CDC27: variants seen among roughly 807,000 people sequenced by gnomAD.
CDC27 encodes cell division cycle protein 27 homolog.
CDC27 carries 27 observed loss-of-function variants against 109.7 expected under a neutral mutation model. The observed-to-expected ratio is 0.25, with a 90% CI of 0.18 to 0.34. The LOEUF (loss-of-function observed/expected upper bound fraction) is 0.34, where lower values mean the gene tolerates loss of function less well. Ranked by LOEUF, CDC27 falls within the 10% of genes least tolerant of loss-of-function variation. The probability of loss-of-function intolerance (pLI) is 1.00; values close to 1 mark genes in which losing one functional copy is unlikely to be tolerated. For missense variants in CDC27, 579 were observed against 960.2 expected (o/e 0.60, Z 5.25); for synonymous variants, 266 against 333.9 (o/e 0.80, Z 2.22).
At chr17:47,134,270 A>G (rs1382067508) in intron 14 of CDC27, among the ~76,000 whole-genome samples, 1 of 151,778 alleles carries the variant, frequency 6.6e-6, no homozygotes, top group Non-Finnish European at 1.5e-5. Context: ...CTATGATAAT[A>G]AGGAAAAAAG....
chr17:47,146,039 T>C (rs66518624), intron 9 of CDC27, among the ~76,000 whole-genome samples: 12,537 of 152,152 alleles, frequency 0.082, 596 homozygotes, highest in African/African-American at 0.12. Context: ...TTAAAAACCC[T>C]AATAAAAATT....
intron 16 of CDC27, among the ~76,000 whole-genome samples, chr17:47,124,658 T>TTAA (rs1017074613): frequency 6.6e-6 from 1 of 152,234 alleles, no homozygotes; most frequent in Non-Finnish European, 1.5e-5. Flanking sequence ...AAGAGTGGCA[T>TTAA]TAACATTTTT....
In CDC27 at chr17:47,158,261, C is replaced by T. The variant is rs1373482845; in HGVS notation, c.420G>A (p.Lys140=). The T allele has an allele frequency of 1.9e-6, 3 of 1,586,264 alleles. No individual in the cohort carries two copies. Among genetic ancestry groups the T allele is most frequent in the Non-Finnish European group, 2.6e-6 (3 of 1,166,986 alleles). ...RLAKGSECYQ[K]SLSLNPFLWS... ...AGAGGAAAGGATTTAAACTAAGGCT[C>T]TTTTGGTAACATTCTGATCCTTTGG... Residue 140 remains lysine, a synonymous_variant, in exon 5 of 19, where the codon AAG becomes AAA. Transcript: ENST00000066544.
intron 8 of CDC27, among the ~76,000 whole-genome samples, chr17:47,152,877 A>G (rs916918962): frequency 2.0e-5 from 3 of 152,054 alleles, no homozygotes; most frequent in South Asian, 4.2e-4. Flanking sequence ...TACTATTTTT[A>G]AATTAGGTTT....
At position 47,157,343 on chromosome 17, in the gene CDC27, A is replaced by G. The variant is rs142987740; in HGVS notation, c.517T>C (p.Leu173=). 1 of 1,613,770 alleles carries G rather than the reference A, an allele frequency of 6.2e-7. No individual in the cohort carries two copies. The highest frequency in any genetic ancestry group is 8.5e-7 in the Non-Finnish European group (1 of 1,179,800). The change falls in exon 6 of 19, where the codon TTA becomes CTA. Residue 173 remains leucine (L), a synonymous_variant. Transcript: ENST00000066544. ...GGCAGACAGTTGCTAAAGTTCTGTA[A>G]AGATGTGAATTTAAATGTTTGGTCA... ...DPDQTFKFTS[L]QNFSNCLPNS...
At chr17:47,131,724 A>G in intron 15 of CDC27, among the ~76,000 whole-genome samples, 1 of 147,924 alleles carries the variant, frequency 6.8e-6, no homozygotes, top group African/African-American at 2.5e-5. Context: ...GCTGGAGTGC[A>G]GTATCACCTT....
Position 47,151,737 on chromosome 17 carries a change from C to A in CDC27, c.1070+69G>T, listed in dbSNP as rs11570505. The A allele has an allele frequency of 3.0e-4, 380 of 1,266,106 alleles. 3 individuals are homozygous for A. The African/African-American group carries it at 5.0e-3, about 17-fold the overall frequency. The allele number at this position is 1,266,106 out of a possible 1,614,324, so 78.4% of individuals were successfully genotyped here. A position where few individuals can be genotyped will look rare whatever the true frequency, so the allele number is the denominator to read the frequency against. ...AGAATCCACGAGAGTCACTATCTGC[C>A]TAAATTAAAGAAATGTAAAGAATCA... On this transcript the variant is annotated intron_variant, in intron 9 of 18. Transcript: ENST00000066544.
At chr17:47,179,711 C>A (rs140609650) in intron 2 of CDC27, among the ~76,000 whole-genome samples, 1 of 152,018 alleles carries the variant, frequency 6.6e-6, no homozygotes, top group African/African-American at 2.4e-5. Context: ...ATGGTTAAAC[C>A]GAATGGTGAG....
chr17:47,124,736 A>G (rs2062083825), intron 16 of CDC27, among the ~76,000 whole-genome samples: 2 of 152,194 alleles, frequency 1.3e-5, no homozygotes, highest in South Asian at 4.1e-4. Context: ...AATCTGTTTC[A>G]ATATCACATA....
intron 3 of CDC27, 29 bp downstream of exon 3, chr17:47,171,888 A>G: frequency 6.5e-7 from 1 of 1,546,688 alleles, no homozygotes; most frequent in South Asian, 1.2e-5. Flanking sequence ...AAGTAAAACA[A>G]AATAGCTAGA....
chr17:47,150,531 G>GA (rs1169702073), intron 9 of CDC27, among the ~76,000 whole-genome samples: 2 of 152,134 alleles, frequency 1.3e-5, no homozygotes, highest in African/African-American at 4.8e-5. Context: ...AGGAGGCAAG[G>GA]AAAAATCCTC....
chr17:47,167,319 G>A (rs957367955), intron 4 of CDC27, among the ~76,000 whole-genome samples: 14 of 152,018 alleles, frequency 9.2e-5, no homozygotes, highest in Non-Finnish European at 1.2e-4. Context: ...ATGCTCTTTA[G>A]GATTATTTCT....
At chr17:47,175,027 G>A (rs1598583071) in intron 2 of CDC27, among the ~76,000 whole-genome samples, 1 of 143,400 alleles carries the variant, frequency 7.0e-6, no homozygotes, top group Non-Finnish European at 1.5e-5. Flanking sequence ...AAGAAAGAGA[G>A]AAAGAGAGAG....
At chr17:47,181,284 A>C (rs1355967190) in intron 2 of CDC27, 16 of 160,432 alleles carry the variant, frequency 1.0e-4, no homozygotes, top group Admixed American at 1.3e-4. Context: ...AAAAAAAAAA[A>C]AACCCAAAAC....
At chr17:47,137,512 A>T in intron 13 of CDC27, 152 bp from the exon 14 acceptor site, 1 of 520,816 alleles carries the variant, frequency 1.9e-6, no homozygotes, top group Non-Finnish European at 3.3e-6. Flanking sequence ...CACAGATTCC[A>T]TATTTGTGAA....
chr17:47,163,553 A>C (rs1460548372), intron 4 of CDC27, among the ~76,000 whole-genome samples: 1 of 152,170 alleles, frequency 6.6e-6, no homozygotes, highest in Non-Finnish European at 1.5e-5. Context: ...CCAAAAAAAT[A>C]TAAAAGAACC....
chr17:47,130,666 A>T (rs1173157863), intron 15 of CDC27, among the ~76,000 whole-genome samples: 1 of 151,912 alleles, frequency 6.6e-6, no homozygotes, highest in Non-Finnish European at 1.5e-5. Context: ...CCTGAGGTCA[A>T]GAGTTCGAGA....
At chr17:47,130,825 T>C (rs11570550) in intron 15 of CDC27, among the ~76,000 whole-genome samples, 2,775 of 149,088 alleles carry the variant, frequency 0.019, 39 homozygotes, top group Middle Eastern at 0.077. Context: ...TGTGGTAAGC[T>C]GAGATTGTGC....
intron 9 of CDC27, among the ~76,000 whole-genome samples, chr17:47,145,839 G>C (rs2062942713): frequency 6.6e-6 from 1 of 151,952 alleles, no homozygotes; most frequent in South Asian, 2.1e-4. Flanking sequence ...GGAGGTTGCA[G>C]TGAGCCAAGA....
Sources: allele counts gnomAD v4.1 joint callset (sites outside exome capture counted in the v4.1 genomes callset), GRCh38; gene constraint gnomAD v4.1.1; transcripts MANE v1.5; gene names NCBI Gene and HGNC (gene_info 2026-07-23, HGNC 2026-07-21).